The following ANO3 variants were observed in gnomAD, a reference collection of about 807,000 sequenced individuals.
The protein encoded by ANO3 is anoctamin 3.
A neutral mutation model predicts 144.8 loss-of-function variants in ANO3; 99 were observed. That is an observed-to-expected ratio of 0.68 (90% CI 0.58 to 0.81). The LOEUF is 0.81. Ranked by LOEUF, ANO3 falls within the 30% of genes least tolerant of loss-of-function variation. The probability of loss-of-function intolerance (pLI) is 0.00; values close to 1 mark genes in which losing one functional copy is unlikely to be tolerated. For missense variants in ANO3, 905 were observed against 1,202.2 expected (o/e 0.75, Z 3.66); for synonymous variants, 414 against 392.6 (o/e 1.05, Z -0.64).
chr11:26,640,667 A>T (rs1041734422), intron 21 of ANO3, among the ~76,000 whole-genome samples: 1 of 152,134 alleles, frequency 6.6e-6, no homozygotes, highest in East Asian at 1.9e-4. Flanking sequence ...GGACATTTTC[A>T]TTATGGCCTT....
chr11:26,534,342 G>T (rs375194824), intron 8 of ANO3, 114 bp from the exon 9 acceptor site: 56 of 584,640 alleles, frequency 9.6e-5, no homozygotes, highest in African/African-American at 6.3e-4. Flanking sequence ...TAAAGAGGAT[G>T]ATTTCCCTTC....
At chr11:26,323,852 C>G (rs1365481040) in intron 1 of ANO3, among the ~76,000 whole-genome samples, 1 of 151,924 alleles carries the variant, frequency 6.6e-6, no homozygotes, top group Non-Finnish European at 1.5e-5. Context: ...ATAATAATAC[C>G]CTTTGTGACA....
At chr11:26,402,677 A>G (rs533757099) in intron 1 of ANO3, among the ~76,000 whole-genome samples, 1 of 152,018 alleles carries the variant, frequency 6.6e-6, no homozygotes. Context: ...ATGGACACAT[A>G]GAGGGGAACA....
intron 1 of ANO3, among the ~76,000 whole-genome samples, chr11:26,311,488 A>T (rs989214676): frequency 1.3e-5 from 2 of 152,192 alleles, no homozygotes; most frequent in African/African-American, 4.8e-5. Context: ...TTAGGATTAG[A>T]ATTGTTAGAA....
intron 1 of ANO3, among the ~76,000 whole-genome samples, chr11:26,296,830 T>G (rs1205307198): frequency 6.6e-6 from 1 of 152,170 alleles, no homozygotes; most frequent in Non-Finnish European, 1.5e-5. Context: ...AAAATATGAT[T>G]AGCTTCCAAG....
At chr11:26,239,860 C>G (rs1261021540) in intron 1 of ANO3, among the ~76,000 whole-genome samples, 1 of 152,196 alleles carries the variant, frequency 6.6e-6, no homozygotes, top group East Asian at 1.9e-4. Context: ...AAGATTTTTA[C>G]TCTACTTGAG....
At chr11:26,386,003 G>A (rs12283950) in intron 1 of ANO3, among the ~76,000 whole-genome samples, 18,030 of 151,650 alleles carry the variant, frequency 0.12, 1,688 homozygotes, top group African/African-American at 0.27. Flanking sequence ...ACCCAGTAGC[G>A]ACAAGCACAC....
rs60062744 is a variant in ANO3, at chr11:26,556,651, C to A, written c.1387-3068C>A. Among the ~76,000 whole-genome samples, 22 of 152,164 alleles carry A rather than the reference C, an allele frequency of 1.4e-4. No individual in the cohort carries two copies. The East Asian group carries it at 4.3e-3, about 29-fold the overall frequency. Reference sequence around the variant, plus strand: ...CTAGGACCAAATTTTTTAAAAGATACGTGGAGAATAGTCTAATCAAGACTG... The same window carrying A: ...CTAGGACCAAATTTTTTAAAAGATAAGTGGAGAATAGTCTAATCAAGACTG... On this transcript the variant is annotated intron_variant, in intron 13 of 26. Transcript: ENST00000256737.
intron 1 of ANO3, among the ~76,000 whole-genome samples, chr11:26,378,099 G>C (rs1856464603): frequency 6.6e-6 from 1 of 151,846 alleles, no homozygotes; most frequent in Admixed American, 6.6e-5. Flanking sequence ...TAGACTGAAG[G>C]CCTGATATGC....
At chr11:26,311,072 C>A (rs144505823) in intron 1 of ANO3, among the ~76,000 whole-genome samples, 1 of 151,750 alleles carries the variant, frequency 6.6e-6, no homozygotes, top group Non-Finnish European at 1.5e-5. Context: ...AGGTGGTTTA[C>A]GGAATGGAAA....
intron 4 of ANO3, among the ~76,000 whole-genome samples, chr11:26,471,568 A>C (rs1859784496): frequency 6.6e-6 from 1 of 151,902 alleles, no homozygotes; most frequent in Non-Finnish European, 1.5e-5. Flanking sequence ...TGAAATAAGC[A>C]GCAACACCAC....
At chr11:26,528,491 T>C (rs1371733980) in intron 7 of ANO3, among the ~76,000 whole-genome samples, 1 of 152,206 alleles carries the variant, frequency 6.6e-6, no homozygotes, top group East Asian at 1.9e-4. Context: ...TAAAACTATT[T>C]AAAATTCACA....
intron 3 of ANO3, among the ~76,000 whole-genome samples, chr11:26,449,327 A>C (rs1858826650): frequency 6.6e-6 from 1 of 152,210 alleles, no homozygotes; most frequent in South Asian, 2.1e-4. Context: ...GTGTTTCCAG[A>C]AGACAGAAAC....
chr11:26,563,391 C>CTGTGTGTGTGTG (rs1324484561), intron 14 of ANO3: 3 of 840,784 alleles, frequency 3.6e-6, no homozygotes, highest in Non-Finnish European at 4.9e-6. Flanking sequence ...GTGTGTTTCT[C>CTGTGTGTGTGTG]TCTCTGTGTG....
chr11:26,621,561 T>C (rs1565148237), intron 17 of ANO3, among the ~76,000 whole-genome samples: 1 of 152,152 alleles, frequency 6.6e-6, no homozygotes, highest in Non-Finnish European at 1.5e-5. Context: ...AATAGTACTC[T>C]CTGTGTCTAC....
intron 1 of ANO3, among the ~76,000 whole-genome samples, chr11:26,202,274 ATATATAT>A (rs1181988843): frequency 6.9e-6 from 1 of 145,436 alleles, no homozygotes; most frequent in Non-Finnish European, 1.5e-5. Context: ...TATCTATATA[ATATATAT>A]TATATATAAT....
At chr11:26,321,940 C>CA (rs1185707648) in intron 1 of ANO3, among the ~76,000 whole-genome samples, 50 of 151,996 alleles carry the variant, frequency 3.3e-4, no homozygotes, top group Admixed American at 2.6e-3. Context: ...ATTCTTCTTG[C>CA]TTTTCACAGC....
chr11:26,486,261 T>A (rs905866665), intron 4 of ANO3, among the ~76,000 whole-genome samples: 2 of 147,530 alleles, frequency 1.4e-5, no homozygotes, highest in Non-Finnish European at 3.0e-5. Flanking sequence ...CTCGGGAGGC[T>A]GAGGCAGAAG....
chr11:26,297,830 T>C (rs542314213), intron 1 of ANO3, among the ~76,000 whole-genome samples: 2 of 152,282 alleles, frequency 1.3e-5, no homozygotes, highest in East Asian at 1.9e-4. Context: ...CCGTTGTTTA[T>C]ATCAGGGAAA....
Sources: allele counts gnomAD v4.1 joint callset (sites outside exome capture counted in the v4.1 genomes callset), GRCh38; gene constraint gnomAD v4.1.1; transcripts MANE v1.5; gene names NCBI Gene and HGNC (gene_info 2026-07-23, HGNC 2026-07-21).